Variants in TUBD1 observed in about 807,000 individuals in gnomAD.
TUBD1 encodes tubulin delta 1, also known as tubulin delta chain.
A neutral mutation model predicts 51.2 loss-of-function variants in TUBD1; 38 were observed. The ratio of observed to expected loss-of-function variants is 0.74; its 90% CI spans 0.57 to 0.97. TUBD1 has a LOEUF of 0.97. TUBD1 is among the 50% of genes least tolerant of loss of function. The probability of loss-of-function intolerance (pLI) is 0.00; values close to 1 mark genes in which losing one functional copy is unlikely to be tolerated. For missense variants in TUBD1, 489 were observed against 538.4 expected (o/e 0.91, Z 0.91); for synonymous variants, 169 against 178.2 (o/e 0.95, Z 0.41).
chr17:59,859,924 A>AAAG lies in TUBD1; in HGVS notation c.*395_*397dup, dbSNP rs1315127244. 6.5e-6 allele frequency: 1 copy of AAAG among 152,916 alleles called. No individual in the cohort carries two copies. Among genetic ancestry groups the AAAG allele is most frequent in the East Asian group, 1.9e-4 (1 of 5,250 alleles). The allele number at this position is 152,916 out of a possible 1,614,324, so 9.5% of individuals were successfully genotyped here. Reference sequence around the variant, plus strand: ...GAAAACATGCGATTCTCCATTTTAAAAAGTTTTCTTCCTTTTCTGTGGGCA... The same window carrying AAAG: ...GAAAACATGCGATTCTCCATTTTAAAAAGAAGTTTTCTTCCTTTTCTGTGGGCA... On this transcript the variant is annotated 3_prime_UTR_variant, in exon 9 of 9. Transcript: ENST00000325752.
intron 3 of TUBD1, chr17:59,885,371 G>T: frequency 1.3e-6 from 1 of 798,232 alleles, no homozygotes; most frequent in South Asian, 1.4e-5. Flanking sequence ...CCTGTTTCTT[G>T]GAATGTCATG....
At chr17:59,871,094 G>C (rs1201659065) in intron 6 of TUBD1, among the ~76,000 whole-genome samples, 1 of 152,216 alleles carries the variant, frequency 6.6e-6, no homozygotes, top group East Asian at 1.9e-4. Context: ...GAAGATGATA[G>C]AGCAATGGCT....
Position 59,880,904 on chromosome 17 carries a change from C to G in TUBD1, c.527G>C (p.Gly176Ala). Residue 176 changes from glycine (G) to alanine (A), a missense_variant, in exon 4 of 9, where the codon GGA (glycine) becomes GCA (alanine). Coordinates refer to ENST00000325752, the MANE Select transcript of TUBD1 (RefSeq NM_016261.4). The stretch of plus-strand genomic sequence containing the variant: ...TTAACATGTCCATACCTCACCAGTT[C>G]CATAAGGCCAAATAATCTGATTCAT... ...LKMNQIIWPY[G>A]TGEVIVQNYN... The G allele has an allele frequency of 6.2e-7, 1 of 1,613,666 alleles. No homozygotes were observed. The highest frequency in any genetic ancestry group is 8.5e-7 in the Non-Finnish European group (1 of 1,179,626).
intron 1 of TUBD1, among the ~76,000 whole-genome samples, chr17:59,892,475 A>C (rs1333959019): frequency 6.6e-6 from 1 of 152,228 alleles, no homozygotes; most frequent in Non-Finnish European, 1.5e-5. Flanking sequence ...CATCAGGTCT[A>C]TGCAGCACTG....
At chr17:59,876,358 T>TTTC (rs2040224568) in intron 5 of TUBD1, among the ~76,000 whole-genome samples, 1 of 149,488 alleles carries the variant, frequency 6.7e-6, no homozygotes, top group Non-Finnish European at 1.5e-5. Context: ...GTTTTTTTTT[T>TTTC]GTTTTTTTTT....
At chr17:59,887,241 G>A (rs185319190) in intron 2 of TUBD1, among the ~76,000 whole-genome samples, 6 of 151,838 alleles carry the variant, frequency 4.0e-5, no homozygotes, top group East Asian at 1.9e-4. Flanking sequence ...ACTTGGTGGC[G>A]TGTGCCTGTA....
At chr17:59,866,491 A>T in intron 7 of TUBD1, 118 bp downstream of exon 7, 2 of 1,360,482 alleles carry the variant, frequency 1.5e-6, no homozygotes, top group Non-Finnish European at 2.0e-6. Context: ...TTGCCACTAA[A>T]ACACACAGTT....
chr17:59,890,753 TA>T, intron 2 of TUBD1, 77 bp downstream of exon 2: 2 of 1,278,314 alleles, frequency 1.6e-6, no homozygotes, highest in Non-Finnish European at 2.1e-6. Context: ...GAATGGGGTT[TA>T]AAAACCATGT....
In TUBD1 at chr17:59,860,271, A is replaced by C; in HGVS notation, c.*51T>G. The stretch of plus-strand genomic sequence containing the variant: ...ACTTTACAGAGAAAATAGTATTGAA[A>C]ATATTTTAGTCCAGAAATGCCTTAA... On this transcript the variant is annotated 3_prime_UTR_variant, in exon 9 of 9. Transcript: ENST00000325752. The C allele has an allele frequency of 1.6e-6, 2 of 1,288,208 alleles. No homozygotes were observed. The highest frequency in any genetic ancestry group is 2.2e-6 in the Non-Finnish European group (2 of 899,346). The allele number at this position is 1,288,208 out of a possible 1,614,324, so 79.8% of individuals were successfully genotyped here.
At position 59,860,219 on chromosome 17, in the gene TUBD1, T is replaced by C; in HGVS notation, c.*103A>G. The C allele has an allele frequency of 1.2e-6, 1 of 863,622 alleles. No individual in the cohort carries two copies. The highest frequency in any genetic ancestry group is 1.8e-6 in the Non-Finnish European group (1 of 553,350). The allele number at this position is 863,622 out of a possible 1,614,324, so 53.5% of individuals were successfully genotyped here. On this transcript the variant is annotated 3_prime_UTR_variant, in exon 9 of 9. Transcript: ENST00000325752. Reference sequence around the variant, plus strand: ...TTCTGGTAGAGACGGTGTTTCACCGTGTTAGCCAGGATGGAGAACTTTGAA... The same window carrying C: ...TTCTGGTAGAGACGGTGTTTCACCGCGTTAGCCAGGATGGAGAACTTTGAA...
At chr17:59,869,173 T>G (rs904565815) in intron 6 of TUBD1, among the ~76,000 whole-genome samples, 2 of 151,712 alleles carry the variant, frequency 1.3e-5, no homozygotes, top group Admixed American at 6.6e-5. Flanking sequence ...ACTATACAAC[T>G]GTGAAAAAAT....
rs2040153266 is a variant in TUBD1 at position 59,874,803 on chromosome 17, T to A, written c.770-100A>T. Reference sequence around the variant, plus strand: ...TTTGAAGGTTTTCTGGGCCAAATGTTTTTTCTCTTCTCAGACCAGAATTAT... The same window carrying A: ...TTTGAAGGTTTTCTGGGCCAAATGTATTTTCTCTTCTCAGACCAGAATTAT... On this transcript the variant is annotated intron_variant, in intron 5 of 8. Transcript: ENST00000325752. 3 of 951,266 alleles carry A rather than the reference T, an allele frequency of 3.2e-6. No homozygotes were observed. The East Asian group carries it at 7.6e-5, about 24-fold the overall frequency. 58.9% of individuals were successfully genotyped at this position (951,266 alleles called of 1,614,324 possible).
At chr17:59,866,785 T>G (rs767158002) in intron 6 of TUBD1, 36 bp from the exon 7 acceptor site, 99 of 1,560,958 alleles carry the variant, frequency 6.3e-5, no homozygotes, top group Non-Finnish European at 8.1e-5. Flanking sequence ...GGTTTTATTT[T>G]ATTTACTTAG....
At chr17:59,870,125 T>C (rs1410369059) in intron 6 of TUBD1, among the ~76,000 whole-genome samples, 2 of 151,846 alleles carry the variant, frequency 1.3e-5, no homozygotes, top group African/African-American at 2.4e-5. Flanking sequence ...CTTTGGGAAT[T>C]TGAGGCATGT....
At chr17:59,890,797 C>A in intron 2 of TUBD1, 34 bp downstream of exon 2, 1 of 1,536,160 alleles carries the variant, frequency 6.5e-7, no homozygotes, top group Non-Finnish European at 8.7e-7. Context: ...TTGGTTAGAT[C>A]AGAGTAAAGG....
In TUBD1 at chr17:59,878,236, G is replaced by A; in HGVS notation, c.636C>T (p.Ile212=). 6.2e-7 allele frequency: 1 copy of A among 1,614,106 alleles called. No homozygotes were observed. Among genetic ancestry groups the A allele is most frequent in the Non-Finnish European group, 8.5e-7 (1 of 1,180,022 alleles). The stretch of plus-strand genomic sequence containing the variant: ...GCTTGATATTCATCAGTTTTGCACA[G>A]ATCTTATGGATGGCATCATTCTCAT... The part of the protein sequence containing the change: ...LLHENDAIHK[I]CAKLMNIKQI... Residue 212 remains isoleucine, a synonymous_variant, in exon 5 of 9, where the codon ATC becomes ATT. Transcript: ENST00000325752.
In TUBD1 at chr17:59,860,316, T is replaced by G. The variant is rs2039377936; in HGVS notation, c.*6A>C. ...CCTTAAGGTATACTTTTCCCATTGTTCAAGATCAGAGATTACAGTAACTGG... is the reference window on the plus strand; with the variant it reads ...CCTTAAGGTATACTTTTCCCATTGTGCAAGATCAGAGATTACAGTAACTGG... On this transcript the variant is annotated 3_prime_UTR_variant, in exon 9 of 9. Coordinates refer to ENST00000325752, the MANE Select transcript of TUBD1 (RefSeq NM_016261.4). 2 of 1,585,914 alleles carry G rather than the reference T, an allele frequency of 1.3e-6. No homozygotes were observed. Among genetic ancestry groups the G allele is most frequent in the Non-Finnish European group, 1.7e-6 (2 of 1,159,150 alleles).
At chr17:59,873,253 T>TGTC (rs1048273398) in intron 6 of TUBD1, among the ~76,000 whole-genome samples, 1 of 151,258 alleles carries the variant, frequency 6.6e-6, no homozygotes, top group African/African-American at 2.4e-5. Flanking sequence ...TGTTTTTTGT[T>TGTC]GTTGTTTTTT....
chr17:59,872,843 T>C (rs1022111917), intron 6 of TUBD1, among the ~76,000 whole-genome samples: 1 of 151,868 alleles, frequency 6.6e-6, no homozygotes, highest in Non-Finnish European at 1.5e-5. Context: ...CATAGCTCAC[T>C]GTAACCTCTG....
Sources: gnomAD v4.1 joint callset for allele counts (sites outside exome capture counted in the v4.1 genomes callset) on GRCh38, gnomAD v4.1.1 for gene constraint, MANE v1.5 for transcripts, NCBI Gene and HGNC (gene_info 2026-07-23, HGNC 2026-07-21) for gene names.